The following PCDH15 variants were observed in gnomAD, a reference collection of about 807,000 sequenced individuals.
The protein encoded by PCDH15 is protocadherin related 15, also known as protocadherin-15.
Under a neutral mutation model 178.5 loss-of-function variants are expected in PCDH15, and 129 were observed. That is an observed-to-expected ratio of 0.72 (90% confidence interval 0.63 to 0.84). The LOEUF (loss-of-function observed/expected upper bound fraction) is 0.84. Ranked by LOEUF, PCDH15 falls within the 40% of genes least tolerant of loss-of-function variation. PCDH15 has a pLI of 0.00. For missense variants in PCDH15, 2,230 were observed against 2,099.9 expected (o/e 1.06, Z -1.21); for synonymous variants, 800 against 732.0 (o/e 1.09, Z -1.50).
At chr10:55,287,748 T>C (rs1415267839) in intron 1 of PCDH15, among the ~76,000 whole-genome samples, 3 of 152,010 alleles carry the variant, frequency 2.0e-5, no homozygotes, top group African/African-American at 4.8e-5. Context: ...GAAAATACTA[T>C]ACAAATTAGA....
rs527964687 is a variant in PCDH15 at position 54,012,677 on chromosome 10, T to G, written c.2751+7515A>C. Among the ~76,000 whole-genome samples the G allele has an allele frequency of 3.9e-5, 6 of 152,220 alleles. No individual in the cohort carries two copies. In the South Asian group the frequency reaches 1.2e-3, roughly 32 times the overall value. ...AATAAAAGAATTTCAACCCAAGAAT[T>G]TCATGTCCAGTGAAACTGAGCTTCA... On this transcript the variant is annotated intron_variant, in intron 20 of 37. Transcript: ENST00000644397.
At chr10:54,220,902 G>C (rs1458726169) in intron 9 of PCDH15, among the ~76,000 whole-genome samples, 2 of 151,674 alleles carry the variant, frequency 1.3e-5, no homozygotes. Context: ...TGGACAAAGA[G>C]TAAAACCAAG....
chr10:54,635,348 A>C (rs1004201854), intron 2 of PCDH15, among the ~76,000 whole-genome samples: 14 of 150,988 alleles, frequency 9.3e-5, no homozygotes, highest in Non-Finnish European at 8.9e-5. Context: ...AAAAATGGTG[A>C]CATTCGTGTT....
intron 1 of PCDH15, among the ~76,000 whole-genome samples, chr10:55,307,577 T>C (rs1843462335): frequency 1.3e-5 from 2 of 152,070 alleles, no homozygotes; most frequent in Admixed American, 1.3e-4. Context: ...ATTATACATT[T>C]TATCTTTTCT....
chr10:55,354,227 T>C (rs964658514), intron 2 of PCDH15, among the ~76,000 whole-genome samples: 5 of 152,118 alleles, frequency 3.3e-5, no homozygotes, highest in Non-Finnish European at 4.4e-5. Flanking sequence ...TTTGGATACC[T>C]GTAACCAACC....
chr10:54,655,296 G>GAGAGAGAGAGAGAC (rs1565866388), intron 2 of PCDH15, among the ~76,000 whole-genome samples: 11 of 120,200 alleles, frequency 9.2e-5, no homozygotes, highest in South Asian at 6.0e-4. Context: ...GAGAGAGAGA[G>GAGAGAGAGAGAGAC]AGAGAGACAG....
chr10:54,444,753 C>T (rs1282977925), intron 3 of PCDH15, among the ~76,000 whole-genome samples: 4 of 151,578 alleles, frequency 2.6e-5, no homozygotes, highest in Non-Finnish European at 5.9e-5. Context: ...TTACTATTTG[C>T]CAGTGATGAC....
chr10:55,583,884 T>G (rs1397995584), intron 2 of PCDH15, among the ~76,000 whole-genome samples: 1 of 152,044 alleles, frequency 6.6e-6, no homozygotes, highest in Non-Finnish European at 1.5e-5. Flanking sequence ...TATACAATTT[T>G]TTTGTTTGTT....
At chr10:54,926,259 G>C (rs1484268968) in intron 2 of PCDH15, among the ~76,000 whole-genome samples, 3 of 152,028 alleles carry the variant, frequency 2.0e-5, no homozygotes, top group East Asian at 3.9e-4. Flanking sequence ...GTATTGATTT[G>C]AGTATGTTGA....
intron 21 of PCDH15, among the ~76,000 whole-genome samples, chr10:53,973,991 A>C (rs1235150650): frequency 9.2e-6 from 1 of 108,356 alleles, no homozygotes; most frequent in Non-Finnish European, 1.9e-5. Flanking sequence ...GAATTTAATG[A>C]CAATTTTATA....
chr10:55,080,628 C>T (rs1842016330), intron 2 of PCDH15, among the ~76,000 whole-genome samples: 1 of 152,168 alleles, frequency 6.6e-6, no homozygotes, highest in African/African-American at 2.4e-5. Context: ...GGGATCTCGT[C>T]CTTTGCACAC....
intron 17 of PCDH15, among the ~76,000 whole-genome samples, chr10:54,077,795 G>T (rs1338024812): frequency 6.6e-6 from 1 of 152,154 alleles, no homozygotes; most frequent in African/African-American, 2.4e-5. Flanking sequence ...GGGCGCAGTG[G>T]CTCACGCCTG....
intron 2 of PCDH15, among the ~76,000 whole-genome samples, chr10:54,561,183 C>A (rs568451278): frequency 1.3e-5 from 2 of 152,046 alleles, no homozygotes; most frequent in African/African-American, 4.8e-5. Flanking sequence ...GACACATCCC[C>A]AGGAAGTTTA....
At chr10:53,891,399 T>C (rs1292475195) in intron 26 of PCDH15, among the ~76,000 whole-genome samples, 3 of 152,110 alleles carry the variant, frequency 2.0e-5, no homozygotes, top group African/African-American at 7.2e-5. Flanking sequence ...TAAAAGTAAA[T>C]GCAAGCTTAC....
At chr10:55,188,890 C>T (rs1839870539) in intron 1 of PCDH15, among the ~76,000 whole-genome samples, 1 of 151,304 alleles carries the variant, frequency 6.6e-6, no homozygotes, top group Admixed American at 6.6e-5. Context: ...TAATTTGGCC[C>T]AAATTTCTAA....
In PCDH15 at chr10:54,666,515, T is replaced by TA. The variant is rs1485017997; in HGVS notation, c.-28-2226dup. The stretch of plus-strand genomic sequence containing the variant: ...CCCTTAAACTCTGAGAGAGACATTC[T>TA]AACCCCCTTCACAAAGGATTAGAGC... On this transcript the variant is annotated intron_variant, in intron 1 of 37. Transcript: ENST00000644397. Among the ~76,000 whole-genome samples the TA allele has an allele frequency of 2.0e-5, 3 of 152,050 alleles. No homozygotes were observed. In the East Asian group the frequency reaches 5.8e-4, roughly 29 times the overall value.
chr10:54,299,013 A>T (rs971708650), intron 8 of PCDH15, among the ~76,000 whole-genome samples: 2 of 152,370 alleles, frequency 1.3e-5, no homozygotes, highest in African/African-American at 2.4e-5. Flanking sequence ...GAAATCATGC[A>T]GTTATTGCAT....
chr10:54,080,027 C>T (rs929885785), intron 16 of PCDH15, among the ~76,000 whole-genome samples: 1 of 151,962 alleles, frequency 6.6e-6, no homozygotes, highest in Non-Finnish European at 1.5e-5. Context: ...ATTATAACCA[C>T]ATTTAAATAT....
chr10:54,796,848 A>G (rs1401103635), intron 1 of PCDH15, among the ~76,000 whole-genome samples: 1 of 151,994 alleles, frequency 6.6e-6, no homozygotes, highest in African/African-American at 2.4e-5. Flanking sequence ...AGTTTTAATG[A>G]CCCTTTTCTG....
Sources: gnomAD v4.1 joint callset for allele counts (sites outside exome capture counted in the v4.1 genomes callset) on GRCh38, gnomAD v4.1.1 for gene constraint, MANE v1.5 for transcripts, NCBI Gene and HGNC (gene_info 2026-07-23, HGNC 2026-07-21) for gene names.